NXPE4: variants seen among roughly 807,000 people sequenced by gnomAD.
The protein encoded by NXPE4 is neurexophilin and PC-esterase domain family member 4.
A neutral mutation model predicts 33.3 loss-of-function variants in NXPE4; 42 were observed. That is an observed-to-expected ratio of 1.26 (90% CI 0.98 to 1.63). The LOEUF (loss-of-function observed/expected upper bound fraction) is 1.63. Ranked by LOEUF, NXPE4 falls within the 40% of genes most tolerant of loss-of-function variation. The probability of loss-of-function intolerance (pLI) is 0.00; values close to 1 mark genes in which losing one functional copy is unlikely to be tolerated. For missense variants in NXPE4, 709 were observed against 647.6 expected, an observed-to-expected ratio of 1.09 and a Z score of -1.03; for synonymous variants, 253 against 234.9, an observed-to-expected ratio of 1.08 and a Z score of -0.71.
chr11:114,638,292 C>G, the NXPE4 span, among the ~76,000 whole-genome samples: 2 of 151,980 alleles, frequency 1.3e-5, no homozygotes, highest in African/African-American at 4.8e-5. Flanking sequence ...ATGTAGTTCT[C>G]GAGCCTTGGT....
the NXPE4 span, among the ~76,000 whole-genome samples, chr11:114,633,346 G>T: frequency 1.5e-5 from 2 of 137,608 alleles, no homozygotes; most frequent in East Asian, 2.1e-4. Context: ...TTTATTATAT[G>T]ATTATATTAT....
At chr11:114,618,910 T>A in the NXPE4 span, among the ~76,000 whole-genome samples, 1 of 151,954 alleles carries the variant, frequency 6.6e-6, no homozygotes, top group South Asian at 2.1e-4. Context: ...TAATAAGGAC[T>A]GTCTCATGGG....
the NXPE4 span, among the ~76,000 whole-genome samples, chr11:114,615,768 C>T: frequency 6.6e-6 from 1 of 151,542 alleles, no homozygotes; most frequent in Non-Finnish European, 1.5e-5. Flanking sequence ...TAAGTACTGC[C>T]TCATGGGTAA....
chr11:114,572,945 C>CT (rs1384263759), intron 5 of NXPE4, among the ~76,000 whole-genome samples: 1 of 152,100 alleles, frequency 6.6e-6, no homozygotes, highest in Non-Finnish European at 1.5e-5. Flanking sequence ...AGGAAAAAAT[C>CT]TTAAGAGCTG....
chr11:114,643,278 A>G, the NXPE4 span, among the ~76,000 whole-genome samples: 2 of 152,010 alleles, frequency 1.3e-5, no homozygotes, highest in East Asian at 1.9e-4. Context: ...CCATTTGTCA[A>G]TTTTGACTTT....
intron 5 of NXPE4, among the ~76,000 whole-genome samples, chr11:114,579,850 T>G (rs901639324): frequency 6.6e-6 from 1 of 152,214 alleles, no homozygotes; most frequent in African/African-American, 2.4e-5. Context: ...TTACATTATC[T>G]TTGGTTCCAT....
chr11:114,622,057 C>G, the NXPE4 span, among the ~76,000 whole-genome samples: 1 of 151,996 alleles, frequency 6.6e-6, no homozygotes, highest in East Asian at 1.9e-4. Context: ...AGTATTCCTT[C>G]ATGGGTAACC....
chr11:114,677,357 G>A, the NXPE4 span, among the ~76,000 whole-genome samples: 1 of 152,044 alleles, frequency 6.6e-6, no homozygotes, highest in African/African-American at 2.4e-5. Flanking sequence ...CACAATGTCT[G>A]CATACATCAA....
the NXPE4 span, among the ~76,000 whole-genome samples, chr11:114,604,922 T>C: frequency 5.3e-5 from 8 of 151,990 alleles, 1 homozygote; most frequent in South Asian, 1.7e-3. Context: ...TAGTGTTGCC[T>C]CTAGGGTACC....
At chr11:114,651,823 A>G in the NXPE4 span, among the ~76,000 whole-genome samples, 1 of 152,142 alleles carries the variant, frequency 6.6e-6, no homozygotes, top group African/African-American at 2.4e-5. Flanking sequence ...TGCATTTACA[A>G]TCCTTTAGCT....
chr11:114,658,551 C>G, the NXPE4 span, among the ~76,000 whole-genome samples: 2 of 152,086 alleles, frequency 1.3e-5, no homozygotes, highest in East Asian at 3.9e-4. Flanking sequence ...TCCCTCATGC[C>G]CTTCTTCTAA....
upstream of NXPE4, among the ~76,000 whole-genome samples, chr11:114,598,979 A>G (rs540152916): frequency 5.3e-5 from 8 of 152,106 alleles, no homozygotes; most frequent in Admixed American, 5.2e-4. Context: ...GAAAATGACC[A>G]TTTCTTTTTA....
chr11:114,589,777 A>G (rs1029554578), intron 2 of NXPE4, among the ~76,000 whole-genome samples: 1 of 152,146 alleles, frequency 6.6e-6, no homozygotes, highest in South Asian at 2.1e-4. Context: ...GCTAGAAGCC[A>G]TTATTAATAA....
At chr11:114,613,036 G>C in the NXPE4 span, among the ~76,000 whole-genome samples, 3 of 151,772 alleles carry the variant, frequency 2.0e-5, no homozygotes, top group African/African-American at 7.3e-5. Flanking sequence ...ACTGTTACCT[G>C]GTGGATAATA....
At chr11:114,588,948 G>A (rs574784988) in intron 2 of NXPE4, among the ~76,000 whole-genome samples, 131 of 152,200 alleles carry the variant, frequency 8.6e-4, no homozygotes, top group Non-Finnish European at 1.2e-3. Context: ...ACCTCCTGAG[G>A]GTGGCCACCT....
chr11:114,602,655 A>G, the NXPE4 span, among the ~76,000 whole-genome samples: 252 of 142,008 alleles, frequency 1.8e-3, no homozygotes, highest in South Asian at 9.4e-3. Flanking sequence ...TAATTTTCTC[A>G]TATATAATAA....
intron 4 of NXPE4, 146 bp from the exon 5 acceptor site, chr11:114,580,484 TG>T (rs766345894): frequency 2.8e-5 from 18 of 644,020 alleles, no homozygotes; most frequent in Non-Finnish European, 4.3e-5. Flanking sequence ...ATTCTCTTAA[TG>T]GAACAGCTGT....
the NXPE4 span, among the ~76,000 whole-genome samples, chr11:114,640,646 A>G: frequency 6.6e-6 from 1 of 152,092 alleles, no homozygotes; most frequent in African/African-American, 2.4e-5. Flanking sequence ...AATAATGGCC[A>G]TTCTGACTAG....
chr11:114,572,346 C>T (rs1474696767), intron 5 of NXPE4, among the ~76,000 whole-genome samples: 2 of 152,044 alleles, frequency 1.3e-5, no homozygotes, highest in East Asian at 1.9e-4. Flanking sequence ...CAGTTCACCA[C>T]CAATGGATCT....
Sources: gnomAD v4.1 joint callset for allele counts (sites outside exome capture counted in the v4.1 genomes callset) on GRCh38, gnomAD v4.1.1 for gene constraint, MANE v1.5 for transcripts, NCBI Gene and HGNC (gene_info 2026-07-23, HGNC 2026-07-21) for gene names.